Variants in SAMD5 observed in about 807,000 individuals in gnomAD.
SAMD5 encodes sterile alpha motif domain-containing protein 5.
In SAMD5, 13 loss-of-function variants were observed where a neutral mutation model predicts 11.3. That is an observed-to-expected ratio of 1.15 (90% CI 0.75 to 1.83). The LOEUF (loss-of-function observed/expected upper bound fraction) is 1.83, where lower values mean the gene tolerates loss of function less well. SAMD5 is among the 40% of genes most tolerant of loss of function. SAMD5 has a pLI of 0.00. For missense variants in SAMD5, 255 were observed against 239.1 expected (o/e 1.07, Z -0.44); for synonymous variants, 129 against 111.3 (o/e 1.16, Z -1.00).
chr6:147,891,751 A>G, the SAMD5 span, among the ~76,000 whole-genome samples: 2 of 152,112 alleles, frequency 1.3e-5, no homozygotes, highest in Non-Finnish European at 2.9e-5. Flanking sequence ...AGCTGTAAAT[A>G]CTCAGTGCTT....
the SAMD5 span, among the ~76,000 whole-genome samples, chr6:147,916,845 T>A: frequency 1.5e-4 from 23 of 151,190 alleles, no homozygotes; most frequent in East Asian, 2.8e-3. Context: ...CTGAGAATGA[T>A]GATTTCCAAT....
At chr6:147,724,003 A>C (rs1417854862) in intron 1 of SAMD5, among the ~76,000 whole-genome samples, 2 of 152,230 alleles carry the variant, frequency 1.3e-5, no homozygotes, top group East Asian at 3.9e-4. Flanking sequence ...ATACTTCTTC[A>C]ATTGTATTGA....
At chr6:147,744,561 T>C in the SAMD5 span, among the ~76,000 whole-genome samples, 3 of 152,048 alleles carry the variant, frequency 2.0e-5, no homozygotes, top group South Asian at 6.2e-4. Context: ...CCAAAAAAAC[T>C]ACAAGGGAGA....
chr6:147,916,112 A>G, the SAMD5 span, among the ~76,000 whole-genome samples: 1 of 152,044 alleles, frequency 6.6e-6, no homozygotes, highest in African/African-American at 2.4e-5. Context: ...ATAGTATTCC[A>G]TGGTGTATAG....
intron 1 of SAMD5, among the ~76,000 whole-genome samples, chr6:147,558,603 C>T (rs559817844): frequency 2.4e-4 from 36 of 152,046 alleles, no homozygotes; most frequent in African/African-American, 6.3e-4. Flanking sequence ...ATCTCCCCCC[C>T]GTCCTCCTAG....
the SAMD5 span, among the ~76,000 whole-genome samples, chr6:147,912,083 T>C: frequency 6.6e-6 from 1 of 152,256 alleles, no homozygotes; most frequent in East Asian, 1.9e-4. Flanking sequence ...TAGATTCTGT[T>C]GGTCAAAGCC....
the SAMD5 span, among the ~76,000 whole-genome samples, chr6:147,782,831 G>A: frequency 6.6e-6 from 1 of 152,196 alleles, no homozygotes; most frequent in African/African-American, 2.4e-5. Context: ...TTGTGAGCTA[G>A]CATTAAACAA....
chr6:147,745,743 C>G, the SAMD5 span, among the ~76,000 whole-genome samples: 4 of 151,468 alleles, frequency 2.6e-5, no homozygotes, highest in Non-Finnish European at 5.9e-5. Flanking sequence ...AGCTCCTGTA[C>G]TAGCTGTGTG....
the SAMD5 span, among the ~76,000 whole-genome samples, chr6:147,762,005 G>A: frequency 8.6e-5 from 13 of 151,980 alleles, no homozygotes; most frequent in African/African-American, 3.1e-4. Flanking sequence ...GAGCCACCAC[G>A]CCTGGCCTTT....
chr6:147,873,436 T>C, the SAMD5 span, among the ~76,000 whole-genome samples: 4 of 151,940 alleles, frequency 2.6e-5, no homozygotes, highest in East Asian at 7.7e-4. Flanking sequence ...ATTCTGACTG[T>C]GTTGTTAGTT....
chr6:147,899,189 A>AAAAAAAAAAAAAAAAAATAAAAAAG, the SAMD5 span, among the ~76,000 whole-genome samples: 1 of 123,458 alleles, frequency 8.1e-6, no homozygotes, highest in African/African-American at 3.8e-5. Context: ...AAAAAAAAAA[A>AAAAAAAAAAAAAAAAAATAAAAAAG]AAAAGATAAC....
chr6:147,726,811 C>T (rs910869899), intron 1 of SAMD5, among the ~76,000 whole-genome samples: 5 of 152,160 alleles, frequency 3.3e-5, no homozygotes, highest in African/African-American at 9.7e-5. Flanking sequence ...GGAGGGCTTA[C>T]GGCAGCACCT....
chr6:147,860,059 C>T, the SAMD5 span, among the ~76,000 whole-genome samples: 1 of 152,130 alleles, frequency 6.6e-6, no homozygotes, highest in African/African-American at 2.4e-5. Context: ...AATTTATCGT[C>T]CCACAGTTTA....
intron 1 of SAMD5, among the ~76,000 whole-genome samples, chr6:147,699,377 G>T (rs560191884): frequency 6.6e-6 from 1 of 151,714 alleles, no homozygotes; most frequent in East Asian, 1.9e-4. Flanking sequence ...GAACCCTGAG[G>T]TTTCCCTTGC....
the SAMD5 span, among the ~76,000 whole-genome samples, chr6:147,837,261 C>T: frequency 6.6e-6 from 1 of 152,118 alleles, no homozygotes; most frequent in Non-Finnish European, 1.5e-5. Flanking sequence ...CCCCAGAAGA[C>T]TCTGGGATAA....
chr6:147,580,598 T>A lies in SAMD5; in HGVS notation c.162+71211T>A, dbSNP rs147906737. On this transcript the variant is annotated intron_variant, in intron 1 of 1. Transcript: ENST00000566741. ...ATGTGTGGACGCTGAGCATGTGCAA[T>A]GTAGCTAGTGTGACTGAGGACTAGA... 5.6e-3 allele frequency among the ~76,000 whole-genome samples: 859 copies of A among 152,360 alleles called. 10 individuals carry two copies. The highest frequency in any genetic ancestry group is 0.02 in the African/African-American group (833 of 41,580).
intron 1 of SAMD5, among the ~76,000 whole-genome samples, chr6:147,550,436 A>G (rs1160688995): frequency 6.6e-6 from 1 of 152,216 alleles, no homozygotes; most frequent in Admixed American, 6.5e-5. Flanking sequence ...TTATTATATT[A>G]AAAGATACCT....
intron 1 of SAMD5, among the ~76,000 whole-genome samples, chr6:147,648,536 C>G (rs1790437085): frequency 6.6e-6 from 1 of 152,196 alleles, no homozygotes; most frequent in Non-Finnish European, 1.5e-5. Flanking sequence ...CTCTGGCTGA[C>G]AAGGGTCCAC....
At chr6:147,872,500 G>T in the SAMD5 span, among the ~76,000 whole-genome samples, 1 of 152,168 alleles carries the variant, frequency 6.6e-6, no homozygotes, top group African/African-American at 2.4e-5. Flanking sequence ...GTAAGGGTGG[G>T]TTATTATCCT....
Sources: allele counts gnomAD v4.1 joint callset (sites outside exome capture counted in the v4.1 genomes callset), GRCh38; gene constraint gnomAD v4.1.1; transcripts MANE v1.5; gene names NCBI Gene and HGNC (gene_info 2026-07-23, HGNC 2026-07-21).